Variants in ARL6 observed in about 807,000 individuals in gnomAD.
ARL6 encodes ADP-ribosylation factor-like protein 6.
Under a neutral mutation model 27.1 loss-of-function variants are expected in ARL6, and 18 were observed. The observed-to-expected ratio is 0.66, with a 90% CI of 0.46 to 0.98. The LOEUF (loss-of-function observed/expected upper bound fraction) is 0.98. ARL6 is among the 50% of genes least tolerant of loss of function. The pLI is 0.00. For synonymous variants in ARL6, 65 were observed against 72.3 expected (o/e 0.90, Z 0.51); for missense variants, 187 against 214.9 (o/e 0.87, Z 0.81).
intron 1 of ARL6, among the ~76,000 whole-genome samples, chr3:97,767,115 G>GT (rs972074916): frequency 1.3e-5 from 2 of 151,042 alleles, no homozygotes; most frequent in Non-Finnish European, 1.5e-5. Flanking sequence ...ATTGCTGATA[G>GT]TTTTTTTTTA....
chr3:97,776,091 T>C (rs2036884897), intron 2 of ARL6, among the ~76,000 whole-genome samples: 2 of 152,378 alleles, frequency 1.3e-5, no homozygotes, highest in Middle Eastern at 3.4e-3. Context: ...GCTCTATTAA[T>C]GTTTGGTTAA....
intron 2 of ARL6, among the ~76,000 whole-genome samples, chr3:97,771,873 G>C (rs2036654074): frequency 6.6e-6 from 1 of 152,050 alleles, no homozygotes; most frequent in Non-Finnish European, 1.5e-5. Context: ...TTGCATCCCT[G>C]GGATGAATCC....
At chr3:97,780,558 T>C in intron 3 of ARL6, 57 bp from the exon 4 acceptor site, 2 of 1,410,174 alleles carry the variant, frequency 1.4e-6, no homozygotes, top group African/African-American at 1.4e-5. Context: ...ATTTAAAATT[T>C]TAAGTAAAAG....
intron 3 of ARL6, 124 bp downstream of exon 3, chr3:97,780,344 A>G: frequency 1.2e-6 from 1 of 821,084 alleles, no homozygotes; most frequent in Non-Finnish European, 1.9e-6. Context: ...TAGGTATTAA[A>G]GTGTTTCTAA....
chr3:97,790,709 C>T (rs2037691262), intron 6 of ARL6, among the ~76,000 whole-genome samples: 2 of 151,970 alleles, frequency 1.3e-5, no homozygotes, highest in Non-Finnish European at 2.9e-5. Flanking sequence ...TTGTGTATCT[C>T]ATGTTGTTTG....
chr3:97,786,128 A>G (rs915422438), intron 5 of ARL6, among the ~76,000 whole-genome samples: 10 of 151,902 alleles, frequency 6.6e-5, no homozygotes, highest in African/African-American at 2.4e-4. Context: ...AGGCGGGTGG[A>G]TCACTTGAGG....
intron 3 of ARL6, 122 bp from the exon 4 acceptor site, chr3:97,780,492 TA>T: frequency 1.2e-6 from 1 of 821,030 alleles, no homozygotes; most frequent in Non-Finnish European, 2.0e-6. Context: ...CTTTTACTTG[TA>T]AATTGGCACA....
chr3:97,776,086 A>G (rs1038509264), intron 2 of ARL6, among the ~76,000 whole-genome samples: 2 of 152,200 alleles, frequency 1.3e-5, no homozygotes, highest in African/African-American at 2.4e-5. Flanking sequence ...CTTTAGCTCT[A>G]TTAATGTTTG....
chr3:97,770,696 A>T (rs922952315), intron 2 of ARL6, among the ~76,000 whole-genome samples: 3 of 151,754 alleles, frequency 2.0e-5, no homozygotes, highest in Admixed American at 2.0e-4. Flanking sequence ...TTTTTAGTTG[A>T]CTTTTGTATA....
intron 7 of ARL6, among the ~76,000 whole-genome samples, chr3:97,792,660 G>A (rs1281189673): frequency 6.6e-6 from 1 of 152,100 alleles, no homozygotes; most frequent in Non-Finnish European, 1.5e-5. Flanking sequence ...ATTGGTACAG[G>A]CTTACTATAT....
intron 2 of ARL6, among the ~76,000 whole-genome samples, chr3:97,778,010 A>C (rs2036993449): frequency 6.6e-6 from 1 of 152,216 alleles, no homozygotes; most frequent in Non-Finnish European, 1.5e-5. Context: ...CAGTGAAGAC[A>C]GGGTTGCTAT....
At chr3:97,795,479 C>T (rs1489120862) in intron 7 of ARL6, among the ~76,000 whole-genome samples, 1 of 152,076 alleles carries the variant, frequency 6.6e-6, no homozygotes, top group African/African-American at 2.4e-5. Flanking sequence ...TCATCTCATT[C>T]CCAACTCTCA....
chr3:97,799,567 GAGAA>G lies in ARL6; in HGVS notation c.*1523_*1526del, dbSNP rs2038160105. 1 of 152,204 alleles carries G rather than the reference GAGAA, an allele frequency of 6.6e-6. No homozygotes were observed. Among genetic ancestry groups the G allele is most frequent in the Admixed American group, 6.5e-5 (1 of 15,292 alleles). 9.4% of individuals were successfully genotyped at this position (152,204 alleles called of 1,614,324 possible). A position where few individuals can be genotyped will look rare whatever the true frequency, so the allele number is the denominator to read the frequency against. On this transcript the variant is annotated 3_prime_UTR_variant, in exon 8 of 8. Transcript: ENST00000463745. ...GATATGCTACAACTATTTTAGGATG[GAGAA>G]AGAATTGATTGAGAATTCAAATCCT...
At chr3:97,792,839 A>C (rs1195622194) in intron 7 of ARL6, among the ~76,000 whole-genome samples, 1 of 152,178 alleles carries the variant, frequency 6.6e-6, no homozygotes, top group Non-Finnish European at 1.5e-5. Context: ...TAACAACTAG[A>C]GATCATTTCT....
intron 2 of ARL6, among the ~76,000 whole-genome samples, chr3:97,774,264 T>A (rs529383107): frequency 2.0e-5 from 3 of 152,184 alleles, no homozygotes; most frequent in East Asian, 1.9e-4. Flanking sequence ...TGGATCACAC[T>A]CTCAACCTTA....
rs775855191 is a variant in ARL6 at position 97,780,111 on chromosome 3, T to C, written c.124-48T>C. 2.7e-6 allele frequency: 4 copies of C among 1,473,066 alleles called. No homozygotes were observed. The African/African-American group carries it at 5.6e-5, about 20-fold the overall frequency. The allele number at this position is 1,473,066 out of a possible 1,614,324, so 91.2% of individuals were successfully genotyped here. A position where few individuals can be genotyped will look rare whatever the true frequency, so the allele number is the denominator to read the frequency against. On this transcript the variant is annotated intron_variant, in intron 2 of 7. Transcript: ENST00000463745. ...CTGGATACTTTAACTTGAGGAAAAC[T>C]CATCTCTGGTAATTGTAAATTTCTG...
intron 3 of ARL6, among the ~76,000 whole-genome samples, 183 bp downstream of exon 3, chr3:97,780,403 G>T (rs988788791): frequency 1.7e-4 from 26 of 152,072 alleles, no homozygotes; most frequent in South Asian, 2.1e-4. Flanking sequence ...GACAAACTCT[G>T]ATAACTTCAC....
At position 97,791,762 on chromosome 3, in the gene ARL6, T is replaced by G. The variant is rs2037747360; in HGVS notation, c.480-9T>G. On this transcript the variant is annotated splice_polypyrimidine_tract_variant and intron_variant, in intron 6 of 7. Transcript: ENST00000463745. ...GAGATGGCTATGTTTCTTATGGATT[T>G]CATTTCAGTGCTAGTGATGCCATAA... 6.2e-7 allele frequency: 1 copy of G among 1,613,374 alleles called. No individual in the cohort carries two copies. Among genetic ancestry groups the G allele is most frequent in the Non-Finnish European group, 8.5e-7 (1 of 1,179,490 alleles).
intron 7 of ARL6, 148 bp from the exon 8 acceptor site, chr3:97,797,876 G>T (rs1047971228): frequency 8.0e-6 from 6 of 746,512 alleles, no homozygotes; most frequent in Admixed American, 7.5e-5. Flanking sequence ...GGGCCACATA[G>T]CAAGATCCTA....
Sources: allele counts gnomAD v4.1 joint callset (sites outside exome capture counted in the v4.1 genomes callset), GRCh38; gene constraint gnomAD v4.1.1; transcripts MANE v1.5; gene names NCBI Gene and HGNC (gene_info 2026-07-23, HGNC 2026-07-21).